RNF13: variants seen among roughly 807,000 people sequenced by gnomAD.
RNF13 encodes E3 ubiquitin-protein ligase RNF13.
Under a neutral mutation model 37.7 loss-of-function variants are expected in RNF13, and 19 were observed. That is an observed-to-expected ratio of 0.50 (90% confidence interval 0.35 to 0.74). The LOEUF (loss-of-function observed/expected upper bound fraction) is 0.74, where lower values mean the gene tolerates loss of function less well. Ranked by LOEUF, RNF13 falls within the 30% of genes least tolerant of loss-of-function variation. The pLI is 0.01. For synonymous variants in RNF13, 144 were observed against 157.8 expected, an observed-to-expected ratio of 0.91 and a Z score of 0.65; for missense variants, 375 against 453.0, an observed-to-expected ratio of 0.83 and a Z score of 1.56.
chr3:149,827,674 CATATT>C (rs912992868), intron 1 of RNF13, among the ~76,000 whole-genome samples: 19 of 152,084 alleles, frequency 1.2e-4, no homozygotes, highest in African/African-American at 4.6e-4. Context: ...GATAGAAAGT[CATATT>C]ATAATAAAAA....
chr3:149,920,995 C>T, intron 7 of RNF13, 139 bp from the exon 8 acceptor site: 1 of 341,818 alleles, frequency 2.9e-6, no homozygotes, highest in Non-Finnish European at 5.5e-6. Flanking sequence ...ATTAACAATA[C>T]TATTGCAATT....
chr3:149,944,605 T>C (rs1720592377), intron 8 of RNF13, among the ~76,000 whole-genome samples: 1 of 152,246 alleles, frequency 6.6e-6, no homozygotes, highest in Admixed American at 6.5e-5. Context: ...ATCAATGTCT[T>C]CTTTTGAAAA....
intron 1 of RNF13, among the ~76,000 whole-genome samples, chr3:149,832,230 T>G (rs74371237): frequency 6.6e-6 from 1 of 152,326 alleles, no homozygotes; most frequent in East Asian, 1.9e-4. Context: ...AGGTCAAGAA[T>G]GTAGCTTCAG....
At chr3:149,843,953 T>C (rs1722404632) in intron 1 of RNF13, among the ~76,000 whole-genome samples, 1 of 152,222 alleles carries the variant, frequency 6.6e-6, no homozygotes, top group Non-Finnish European at 1.5e-5. Flanking sequence ...TTTTGGTTAT[T>C]ATTCCAATCT....
intron 1 of RNF13, among the ~76,000 whole-genome samples, chr3:149,841,470 GA>G (rs1722172164): frequency 6.6e-6 from 1 of 152,170 alleles, no homozygotes; most frequent in Non-Finnish European, 1.5e-5. Context: ...TTTGAAGATA[GA>G]AGAGAGTGTA....
At chr3:149,821,679 C>G (rs985134233) in intron 1 of RNF13, among the ~76,000 whole-genome samples, 16 of 151,638 alleles carry the variant, frequency 1.1e-4, no homozygotes, top group Non-Finnish European at 2.9e-5. Flanking sequence ...TGATGAAGTC[C>G]ATTTTATTTA....
chr3:149,837,154 A>G (rs1721705375), intron 1 of RNF13, among the ~76,000 whole-genome samples: 1 of 152,236 alleles, frequency 6.6e-6, no homozygotes, highest in South Asian at 2.1e-4. Context: ...TGTATGCCAC[A>G]TTAAGAAAAG....
At position 149,818,829 on chromosome 3, in the gene RNF13, T is replaced by C. The variant is rs1248434738; in HGVS notation, c.-17+5476T>C. Among the ~76,000 whole-genome samples the C allele has an allele frequency of 2.0e-5, 3 of 152,130 alleles. No individual in the cohort carries two copies. The East Asian group carries it at 5.8e-4, about 29-fold the overall frequency. ...GAGAGGCTGAGGCAGGAGAATTGCT[T>C]GTACCTGGGAGGCGGAGGTTGCAGT... On this transcript the variant is annotated intron_variant, in intron 1 of 9. Transcript: ENST00000392894.
chr3:149,829,942 A>C (rs754514456), intron 1 of RNF13, among the ~76,000 whole-genome samples: 2 of 151,848 alleles, frequency 1.3e-5, no homozygotes, highest in Non-Finnish European at 2.9e-5. Context: ...GGTTTTATAA[A>C]AGGGAAGTTC....
chr3:149,874,880 C>G (rs1276986039), intron 4 of RNF13, among the ~76,000 whole-genome samples: 1 of 152,076 alleles, frequency 6.6e-6, no homozygotes, highest in Non-Finnish European at 1.5e-5. Flanking sequence ...GATGGATAAG[C>G]TGTTAGCCTT....
chr3:149,916,141 G>A (rs1333098700), intron 7 of RNF13, among the ~76,000 whole-genome samples: 2 of 151,682 alleles, frequency 1.3e-5, no homozygotes, highest in Non-Finnish European at 2.9e-5. Context: ...TTTTGTAGAG[G>A]ATGCCTATAA....
chr3:149,928,105 G>C (rs1374773874), intron 8 of RNF13, among the ~76,000 whole-genome samples: 1 of 143,234 alleles, frequency 7.0e-6, no homozygotes, highest in Non-Finnish European at 1.5e-5. Flanking sequence ...ATATTGTTAA[G>C]ATATCAAGAC....
At chr3:149,829,628 C>T (rs1330297531) in intron 1 of RNF13, among the ~76,000 whole-genome samples, 2 of 152,124 alleles carry the variant, frequency 1.3e-5, no homozygotes, top group Non-Finnish European at 1.5e-5. Context: ...TATTGGACAT[C>T]TTATTTTTGC....
intron 7 of RNF13, among the ~76,000 whole-genome samples, chr3:149,916,218 A>G (rs1269939483): frequency 2.0e-5 from 3 of 152,128 alleles, no homozygotes; most frequent in Non-Finnish European, 2.9e-5. Flanking sequence ...AGTTCCTACT[A>G]AAGTGTATTT....
chr3:149,862,628 T>C (rs1724376002), intron 3 of RNF13, among the ~76,000 whole-genome samples: 2 of 152,226 alleles, frequency 1.3e-5, no homozygotes, highest in Admixed American at 6.5e-5. Flanking sequence ...TTTTAACTGT[T>C]GCATACTGCA....
chr3:149,814,510 G>A (rs1302212928), intron 1 of RNF13, among the ~76,000 whole-genome samples: 2 of 152,140 alleles, frequency 1.3e-5, no homozygotes, highest in African/African-American at 2.4e-5. Flanking sequence ...GTAGTGCAGG[G>A]CCCATAAGGA....
intron 7 of RNF13, among the ~76,000 whole-genome samples, chr3:149,919,628 A>G (rs1156416810): frequency 6.6e-6 from 1 of 152,228 alleles, no homozygotes; most frequent in African/African-American, 2.4e-5. Flanking sequence ...TGAATATACC[A>G]TGATTTGTTT....
At chr3:149,918,927 A>G (rs1717832083) in intron 7 of RNF13, among the ~76,000 whole-genome samples, 1 of 152,058 alleles carries the variant, frequency 6.6e-6, no homozygotes, top group African/African-American at 2.4e-5. Context: ...TTTTTCTTAT[A>G]CAATGTGATA....
intron 8 of RNF13, among the ~76,000 whole-genome samples, chr3:149,946,181 C>T (rs1308304396): frequency 6.6e-6 from 1 of 152,170 alleles, no homozygotes; most frequent in Admixed American, 6.5e-5. Context: ...AAAGATTAGA[C>T]AAATGGCTAA....
Sources: gnomAD v4.1 joint callset for allele counts (sites outside exome capture counted in the v4.1 genomes callset) on GRCh38, gnomAD v4.1.1 for gene constraint, MANE v1.5 for transcripts, NCBI Gene and HGNC (gene_info 2026-07-23, HGNC 2026-07-21) for gene names.